GPR137B: variants seen among roughly 807,000 people sequenced by gnomAD.
GPR137B encodes G protein-coupled receptor 137B.
GPR137B carries 42 observed loss-of-function variants against 42.5 expected under a neutral mutation model. The observed-to-expected ratio is 0.99, with a 90% CI of 0.77 to 1.28. The LOEUF (loss-of-function observed/expected upper bound fraction) is 1.28. Ranked by LOEUF, GPR137B falls within the 50% of genes most tolerant of loss-of-function variation. The pLI, the probability that GPR137B is intolerant of heterozygous loss-of-function variation, is 0.00. For synonymous variants in GPR137B, 218 were observed against 209.7 expected, an observed-to-expected ratio of 1.04 and a Z score of -0.34; for missense variants, 487 against 493.9, an observed-to-expected ratio of 0.99 and a Z score of 0.13.
intron 1 of GPR137B, among the ~76,000 whole-genome samples, chr1:236,166,503 T>TTTATATATATAATATATATATA (rs1662361219): frequency 7.0e-6 from 1 of 142,134 alleles, no homozygotes; most frequent in African/African-American, 2.8e-5. Flanking sequence ...CATATATATA[T>TTTATATATATAATATATATATA]TTATATATAT....
chr1:236,172,489 T>C (rs1662565768), intron 2 of GPR137B, among the ~76,000 whole-genome samples: 1 of 152,176 alleles, frequency 6.6e-6, no homozygotes, highest in African/African-American at 2.4e-5. Context: ...ACCTCTACCC[T>C]CCCACATCTG....
chr1:236,183,922 T>C lies in GPR137B; in HGVS notation c.966+16T>C. 6.3e-7 allele frequency: 1 copy of C among 1,585,120 alleles called. No homozygotes were observed. The highest frequency in any genetic ancestry group is 8.6e-7 in the Non-Finnish European group (1 of 1,157,356). On this transcript the variant is annotated intron_variant, in intron 5 of 6. Transcript: ENST00000366592. ...AAAGGACCTTGTAAGTAAACCATTT[T>C]ACATTTGTAAGAAAATGTCTCCTAA...
rs893747308 is a variant in GPR137B at position 236,171,585 on chromosome 1, G to A, written c.464+2830G>A. Among the ~76,000 whole-genome samples the A allele has an allele frequency of 1.9e-4, 29 of 152,190 alleles. 1 individual carries two copies. Among genetic ancestry groups the A allele is most frequent in the Non-Finnish European group, 3.4e-4 (23 of 68,040 alleles). ...TCTGAGCACGGGGACTGGGGTCTTC[G>A]GGTGAGAAGATATGTGCGTGGGGCA... On this transcript the variant is annotated intron_variant, in intron 2 of 6. Coordinates refer to ENST00000366592, the MANE Select transcript of GPR137B (RefSeq NM_003272.4). This position sits in a 1 kb window ranked among gnomAD's most constrained non-coding sequence, Gnocchi z 4.4.
chr1:236,187,929 C>A (rs1187137039), intron 5 of GPR137B, among the ~76,000 whole-genome samples: 2 of 152,134 alleles, frequency 1.3e-5, no homozygotes, highest in African/African-American at 2.4e-5. Context: ...GCAGTATGGC[C>A]ATTTTCACAA....
At position 236,171,401 on chromosome 1, in the gene GPR137B, A is replaced by G. The variant is rs1174643777; in HGVS notation, c.464+2646A>G. Among the ~76,000 whole-genome samples the G allele has an allele frequency of 1.3e-5, 2 of 152,226 alleles. No individual in the cohort carries two copies. The highest frequency in any genetic ancestry group is 3.8e-4 in the East Asian group (2 of 5,200). ...CCCAGCCAGAAATGTAGGTCAAAGC[A>G]TGAGTGAAGATGGGCATAGGAGGAG... On this transcript the variant is annotated intron_variant, in intron 2 of 6. Transcript: ENST00000366592. The surrounding 1 kb of genome is among the most constrained non-coding windows in gnomAD (Gnocchi z 4.4).
chr1:236,156,674 C>T lies in GPR137B; in HGVS notation c.415-12032C>T, dbSNP rs115891014. Among the ~76,000 whole-genome samples the T allele has an allele frequency of 5.6e-3, 854 of 152,294 alleles. 8 individuals are homozygous for T. The highest frequency in any genetic ancestry group is 0.019 in the African/African-American group (789 of 41,564). Reference sequence around the variant, plus strand: ...AAGGAGAACTCCGGTGTCTGGATTTCGGGGACCGACTGTCTTGTCACCCTG... The same window carrying T: ...AAGGAGAACTCCGGTGTCTGGATTTTGGGGACCGACTGTCTTGTCACCCTG... On this transcript the variant is annotated intron_variant, in intron 1 of 6. Transcript: ENST00000366592. The surrounding 1 kb of genome is among the most constrained non-coding windows in gnomAD (Gnocchi z 4.8).
intron 1 of GPR137B, among the ~76,000 whole-genome samples, chr1:236,148,460 T>C (rs894691427): frequency 2.6e-5 from 4 of 152,128 alleles, no homozygotes; most frequent in South Asian, 4.2e-4. Context: ...TTGGGCCCTA[T>C]GACAAACTCC....
chr1:236,173,877 A>G (rs1662615389), intron 2 of GPR137B, among the ~76,000 whole-genome samples: 1 of 152,144 alleles, frequency 6.6e-6, no homozygotes, highest in African/African-American at 2.4e-5. Flanking sequence ...GAGGGAAAAA[A>G]ACTTGTTTTG....
At chr1:236,144,823 T>TG (rs1558476181) in intron 1 of GPR137B, among the ~76,000 whole-genome samples, 1 of 152,220 alleles carries the variant, frequency 6.6e-6, no homozygotes, top group South Asian at 2.1e-4. Context: ...GTCCCCTTTT[T>TG]GGGGGGCAGT....
rs1662763918 is a variant in GPR137B at position 236,178,599 on chromosome 1, C to T, written c.650C>T (p.Ser217Phe). ...VSLSICLYKI[S>F]KMSLANIYLE... ...CTCTCCATCTGTCTCTACAAAATCT[C>T]TAAGATGTCCTTAGCCAACATTTAC... is the stretch of plus-strand genomic sequence containing the variant. The change falls in exon 3 of 7, where the codon TCT (serine) becomes TTT (phenylalanine). Residue 217 changes from serine to phenylalanine, a missense_variant. Transcript: ENST00000366592. 1 of 1,612,062 alleles carries T rather than the reference C, an allele frequency of 6.2e-7. No homozygotes were observed. Among genetic ancestry groups the T allele is most frequent in the Non-Finnish European group, 8.5e-7 (1 of 1,179,490 alleles).
chr1:236,184,311 C>T (rs577695261), intron 5 of GPR137B, among the ~76,000 whole-genome samples: 75 of 152,160 alleles, frequency 4.9e-4, no homozygotes, highest in South Asian at 2.3e-3. Flanking sequence ...AATAGTATGC[C>T]GGATGGCGAC....
intron 1 of GPR137B, among the ~76,000 whole-genome samples, chr1:236,146,492 TTG>T (rs1661685758): frequency 2.0e-5 from 3 of 152,106 alleles, no homozygotes; most frequent in Non-Finnish European, 4.4e-5. Flanking sequence ...TGTCAGTCCT[TTG>T]TGCTTTTGCA....
intron 6 of GPR137B, among the ~76,000 whole-genome samples, chr1:236,205,499 T>G (rs1234400224): frequency 2.0e-5 from 3 of 152,188 alleles, no homozygotes; most frequent in Admixed American, 2.0e-4. Flanking sequence ...CATGAAACAC[T>G]ATTTTCTTAA....
At chr1:236,144,287 C>A (rs1004977681) in intron 1 of GPR137B, among the ~76,000 whole-genome samples, 3 of 151,922 alleles carry the variant, frequency 2.0e-5, no homozygotes, top group African/African-American at 2.4e-5. Flanking sequence ...TGGTAGTGCC[C>A]GCCTGTAGTT....
At chr1:236,207,171 T>C (rs1275700619) in intron 6 of GPR137B, 1 of 985,156 alleles carries the variant, frequency 1.0e-6, no homozygotes, top group Non-Finnish European at 1.2e-6. Context: ...GAATACATGC[T>C]TTCTCAGTGA....
At chr1:236,200,196 C>T (rs190910547) in intron 5 of GPR137B, among the ~76,000 whole-genome samples, 1 of 151,928 alleles carries the variant, frequency 6.6e-6, no homozygotes, top group Admixed American at 6.5e-5. Flanking sequence ...TTTTATATTC[C>T]ACTGTGGTCT....
At chr1:236,169,999 C>T (rs1662484689) in intron 2 of GPR137B, among the ~76,000 whole-genome samples, 2 of 146,324 alleles carry the variant, frequency 1.4e-5, no homozygotes, top group African/African-American at 2.5e-5. Context: ...AAGATTGCAC[C>T]ACTGTGCTGC....
At chr1:236,176,387 C>T (rs1358833041) in intron 2 of GPR137B, among the ~76,000 whole-genome samples, 1 of 152,104 alleles carries the variant, frequency 6.6e-6, no homozygotes, top group Non-Finnish European at 1.5e-5. Context: ...CGGGTCCCCT[C>T]CTGCATGTCC....
chr1:236,170,181 C>T (rs1033280038), intron 2 of GPR137B, among the ~76,000 whole-genome samples: 6 of 152,016 alleles, frequency 3.9e-5, no homozygotes, highest in Non-Finnish European at 8.8e-5. Context: ...CCATTGCCAA[C>T]GGCAAACATT....
Sources: allele counts gnomAD v4.1 joint callset (sites outside exome capture counted in the v4.1 genomes callset), GRCh38; gene constraint gnomAD v4.1.1; non-coding constraint Gnocchi (gnomAD v3.1); transcripts MANE v1.5; gene names NCBI Gene and HGNC (gene_info 2026-07-23, HGNC 2026-07-21).